The following VSNL1 variants were observed in gnomAD, a reference collection of about 807,000 sequenced individuals.
VSNL1 encodes visinin-like protein 1.
A neutral mutation model predicts 20.4 loss-of-function variants in VSNL1; 6 were observed. The observed-to-expected ratio is 0.29, with a 90% CI of 0.16 to 0.58. The LOEUF (loss-of-function observed/expected upper bound fraction) is 0.58. Among genes scored for constraint, VSNL1 ranks in the 20% least tolerant of loss-of-function variants. VSNL1 has a pLI of 0.90. For synonymous variants in VSNL1, 93 were observed against 86.4 expected (o/e 1.08, Z -0.42); for missense variants, 100 against 234.5 (o/e 0.43, Z 3.75).
intron 1 of VSNL1, among the ~76,000 whole-genome samples, chr2:17,584,665 G>A (rs1664427696): frequency 6.6e-6 from 1 of 152,056 alleles, no homozygotes; most frequent in South Asian, 2.1e-4. Flanking sequence ...GGAGCAGCTG[G>A]GGCAGGCCTA....
At position 17,655,455 on chromosome 2, in the gene VSNL1, T is replaced by TCTCACACACA. The variant is rs747824196; in HGVS notation, c.*62_*63insTCACACACAC. The TCTCACACACA allele has an allele frequency of 2.0e-6, 1 of 506,850 alleles. No individual in the cohort carries two copies. Among genetic ancestry groups the TCTCACACACA allele is most frequent in the African/African-American group, 2.0e-5 (1 of 49,072 alleles). The allele number at this position is 506,850 out of a possible 1,614,324, so 31.4% of individuals were successfully genotyped here. A position where few individuals can be genotyped will look rare whatever the true frequency, so the allele number is the denominator to read the frequency against. On this transcript the variant is annotated 3_prime_UTR_variant, in exon 4 of 4. Transcript: ENST00000295156. This position sits in a 1 kb window ranked among gnomAD's most constrained non-coding sequence, Gnocchi z 5.2. ...AATGTTCCATTCAGTCTGCAGCTAT[T>TCTCACACACA]CACACACACACACACACACACACAC...
intron 1 of VSNL1, among the ~76,000 whole-genome samples, chr2:17,552,058 GGC>G (rs1188821657): frequency 6.6e-6 from 1 of 151,808 alleles, no homozygotes; most frequent in Non-Finnish European, 1.5e-5. Flanking sequence ...AAATTAGCAG[GGC>G]GTGGTGGCGG....
intron 2 of VSNL1, among the ~76,000 whole-genome samples, chr2:17,597,951 T>C (rs146276464): frequency 1.8e-4 from 27 of 152,326 alleles, no homozygotes; most frequent in African/African-American, 6.5e-4. Context: ...GCCTAAGGCA[T>C]TGAAAATACA....
chr2:17,576,365 C>G (rs1241681244), intron 1 of VSNL1, among the ~76,000 whole-genome samples: 1 of 152,138 alleles, frequency 6.6e-6, no homozygotes, highest in Admixed American at 6.5e-5. Context: ...AATGAAAATG[C>G]AATAAATATG....
intron 1 of VSNL1, chr2:17,567,646 C>G (rs913106292): frequency 3.9e-5 from 6 of 152,150 alleles, no homozygotes; most frequent in Admixed American, 2.6e-4. Context: ...AGGCGTGAGC[C>G]ACCATGACCG....
At chr2:17,648,034 T>C (rs1666036084) in intron 2 of VSNL1, among the ~76,000 whole-genome samples, 1 of 152,200 alleles carries the variant, frequency 6.6e-6, no homozygotes, top group Non-Finnish European at 1.5e-5. Flanking sequence ...GTTTATTTCG[T>C]GAGATAATAA....
At chr2:17,585,011 G>A (rs1362397252) in intron 1 of VSNL1, among the ~76,000 whole-genome samples, 7 of 152,088 alleles carry the variant, frequency 4.6e-5, no homozygotes, top group Non-Finnish European at 1.0e-4. Flanking sequence ...CCCTAACATT[G>A]CCACTGCCAC....
chr2:17,573,073 A>T (rs1664118676), intron 1 of VSNL1, among the ~76,000 whole-genome samples: 1 of 152,266 alleles, frequency 6.6e-6, no homozygotes, highest in African/African-American at 2.4e-5. Flanking sequence ...CAAAGTAACC[A>T]ATATCTTTAA....
At position 17,656,063 on chromosome 2, in the gene VSNL1, A is replaced by G. The variant is rs1666226275; in HGVS notation, c.*669A>G. 1 of 152,680 alleles carries G rather than the reference A, an allele frequency of 6.5e-6. No homozygotes were observed. The highest frequency in any genetic ancestry group is 6.5e-5 in the Admixed American group (1 of 15,286). 9.5% of individuals were successfully genotyped at this position (152,680 alleles called of 1,614,324 possible). A position where few individuals can be genotyped will look rare whatever the true frequency, so the allele number is the denominator to read the frequency against. On this transcript the variant is annotated 3_prime_UTR_variant, in exon 4 of 4. Transcript: ENST00000295156. ...TAAGTATATCTATCTATATATACAT[A>G]TACACAAAGATATTATTTATCGAAA... is the stretch of plus-strand genomic sequence containing the variant.
In VSNL1 at chr2:17,656,096, AG is replaced by A. The variant is rs2103436635; in HGVS notation, c.*703del. The A allele has an allele frequency of 6.5e-6, 1 of 152,814 alleles. No individual in the cohort carries two copies. Among genetic ancestry groups the A allele is most frequent in the East Asian group, 1.9e-4 (1 of 5,194 alleles). 9.5% of individuals were successfully genotyped at this position (152,814 alleles called of 1,614,324 possible). On this transcript the variant is annotated 3_prime_UTR_variant, in exon 4 of 4. Coordinates refer to ENST00000295156, the MANE Select transcript of VSNL1 (RefSeq NM_003385.5). ...AGATATTATTTATCGAAAGTAAAAA[AG>A]ATGGAAGTGTATTGGTTTCTGTTTG...
intron 1 of VSNL1, among the ~76,000 whole-genome samples, chr2:17,576,208 T>G (rs1043267726): frequency 2.0e-5 from 3 of 152,232 alleles, no homozygotes; most frequent in Non-Finnish European, 4.4e-5. Context: ...GCATCTCTGC[T>G]TTCTCCACTT....
intron 2 of VSNL1, among the ~76,000 whole-genome samples, chr2:17,605,623 G>A (rs1664928183): frequency 6.6e-6 from 1 of 152,128 alleles, no homozygotes. Context: ...AGAGTGTTAG[G>A]GGCATGTGCA....
At chr2:17,631,633 G>A (rs909372984) in intron 2 of VSNL1, among the ~76,000 whole-genome samples, 5 of 152,108 alleles carry the variant, frequency 3.3e-5, no homozygotes, top group African/African-American at 4.8e-5. Context: ...CAGTGAAGAC[G>A]TTTTAAACCA....
At chr2:17,596,459 C>A (rs572763879) in intron 2 of VSNL1, among the ~76,000 whole-genome samples, 1 of 152,126 alleles carries the variant, frequency 6.6e-6, no homozygotes, top group Non-Finnish European at 1.5e-5. Flanking sequence ...GAATTGGCCA[C>A]GGTTTAATGA....
At chr2:17,625,046 C>T (rs1213926024) in intron 2 of VSNL1, among the ~76,000 whole-genome samples, 1 of 152,226 alleles carries the variant, frequency 6.6e-6, no homozygotes, top group African/African-American at 2.4e-5. Context: ...GGCAGTCTCC[C>T]CCATACTGTT....
At chr2:17,600,294 C>T (rs1342765849) in intron 2 of VSNL1, among the ~76,000 whole-genome samples, 2 of 152,172 alleles carry the variant, frequency 1.3e-5, no homozygotes, top group South Asian at 2.1e-4. Context: ...TTGCTTATTT[C>T]GTGGGCTCTT....
At chr2:17,553,812 A>G (rs1247732949) in intron 1 of VSNL1, among the ~76,000 whole-genome samples, 6 of 152,238 alleles carry the variant, frequency 3.9e-5, no homozygotes, top group Admixed American at 2.6e-4. Flanking sequence ...AATATCCATT[A>G]AATGCTTAGC....
intron 2 of VSNL1, among the ~76,000 whole-genome samples, chr2:17,614,628 CA>C (rs1665173228): frequency 6.6e-6 from 1 of 152,202 alleles, no homozygotes; most frequent in Non-Finnish European, 1.5e-5. Flanking sequence ...GGGTCAGATC[CA>C]GGGCATTTTG....
intron 3 of VSNL1, among the ~76,000 whole-genome samples, chr2:17,650,265 C>T (rs1480086254): frequency 1.3e-5 from 2 of 152,208 alleles, no homozygotes; most frequent in African/African-American, 4.8e-5. Flanking sequence ...AGAGGTCTTC[C>T]TTCCTGCATA....
Sources: allele counts gnomAD v4.1 joint callset (sites outside exome capture counted in the v4.1 genomes callset), GRCh38; gene constraint gnomAD v4.1.1; non-coding constraint Gnocchi (gnomAD v3.1); transcripts MANE v1.5; gene names NCBI Gene and HGNC (gene_info 2026-07-23, HGNC 2026-07-21).